Variants in CACNA2D1 observed in about 807,000 individuals in gnomAD.
The protein encoded by CACNA2D1 is calcium voltage-gated channel auxiliary subunit alpha2delta 1, also known as voltage-dependent calcium channel subunit alpha-2/delta-1.
In CACNA2D1, 53 loss-of-function variants were observed where a neutral mutation model predicts 171.5. That is an observed-to-expected ratio of 0.31 (90% confidence interval 0.25 to 0.39). The LOEUF (loss-of-function observed/expected upper bound fraction) is 0.39, where lower values mean the gene tolerates loss of function less well. CACNA2D1 is among the 10% of genes least tolerant of loss of function. The pLI is 1.00. For synonymous variants in CACNA2D1, 442 were observed against 443.1 expected (o/e 1.00, Z 0.03); for missense variants, 903 against 1,299.8 (o/e 0.69, Z 4.69).
At chr7:82,390,834 T>C (rs1369376021) in intron 1 of CACNA2D1, among the ~76,000 whole-genome samples, 1 of 152,126 alleles carries the variant, frequency 6.6e-6, no homozygotes, top group Admixed American at 6.5e-5. Flanking sequence ...TGAAAAAAAT[T>C]TTTTTAATCT....
intron 10 of CACNA2D1, among the ~76,000 whole-genome samples, chr7:82,052,945 T>C (rs933578290): frequency 3.9e-5 from 6 of 152,144 alleles, no homozygotes; most frequent in African/African-American, 9.7e-5. Flanking sequence ...GAAAAACACT[T>C]AGAACAGTGT....
intron 38 of CACNA2D1, among the ~76,000 whole-genome samples, chr7:81,955,282 AACCTAATCCAAC>A (rs1438856261): frequency 6.6e-6 from 1 of 152,104 alleles, no homozygotes; most frequent in Non-Finnish European, 1.5e-5. Flanking sequence ...TTGTGAGCAG[AACCTAATCCAAC>A]AGAAATTGCT....
chr7:82,051,437 G>C (rs967063978), intron 10 of CACNA2D1, among the ~76,000 whole-genome samples: 1 of 151,704 alleles, frequency 6.6e-6, no homozygotes, highest in Middle Eastern at 3.2e-3. Context: ...CTACAAGCAA[G>C]AGCAAAGATA....
chr7:82,001,247 T>G (rs1798575450), intron 18 of CACNA2D1, among the ~76,000 whole-genome samples: 1 of 152,180 alleles, frequency 6.6e-6, no homozygotes, highest in South Asian at 2.1e-4. Flanking sequence ...TTTTAGAAAT[T>G]TTGGCTTAAA....
chr7:82,186,932 G>A (rs578006307), intron 3 of CACNA2D1, among the ~76,000 whole-genome samples: 12 of 152,170 alleles, frequency 7.9e-5, no homozygotes, highest in Admixed American at 3.3e-4. Context: ...AAGCTTTAAT[G>A]TCACAAGAAA....
intron 3 of CACNA2D1, among the ~76,000 whole-genome samples, chr7:82,217,358 A>AAT (rs1554466846): frequency 0.052 from 6,778 of 129,758 alleles, 340 homozygotes; most frequent in Non-Finnish European, 0.074. Context: ...TTAAAAAAAA[A>AAT]ATATATATAT....
At chr7:82,376,367 T>A (rs1042863174) in intron 1 of CACNA2D1, among the ~76,000 whole-genome samples, 1 of 152,164 alleles carries the variant, frequency 6.6e-6, no homozygotes, top group African/African-American at 2.4e-5. Context: ...AACCTAACAC[T>A]CATGATTTTA....
intron 3 of CACNA2D1, among the ~76,000 whole-genome samples, chr7:82,284,114 G>A (rs1810466824): frequency 6.6e-6 from 1 of 151,454 alleles, no homozygotes; most frequent in South Asian, 2.1e-4. Context: ...AAGATCACTT[G>A]AGGCAGGAGG....
rs570457389 is a variant in CACNA2D1 at position 82,121,837 on chromosome 7, C to A, written c.397-4664G>T. Among the ~76,000 whole-genome samples, 502 of 152,090 alleles carry A rather than the reference C, an allele frequency of 3.3e-3. 6 individuals are homozygous for A. Among genetic ancestry groups the A allele is most frequent in the South Asian group, 0.028 (135 of 4,816 alleles). On this transcript the variant is annotated intron_variant, in intron 5 of 38. Coordinates refer to ENST00000356860, the MANE Select transcript of CACNA2D1 (RefSeq NM_000722.4). ...TTTTATGGATTCAGAAGATTATGCCCATTCTTCAGGTAATAAAAATATTGT... is the reference window on the plus strand; with the variant it reads ...TTTTATGGATTCAGAAGATTATGCCAATTCTTCAGGTAATAAAAATATTGT...
intron 1 of CACNA2D1, among the ~76,000 whole-genome samples, chr7:82,430,603 A>T (rs555850101): frequency 6.6e-6 from 1 of 152,310 alleles, no homozygotes; most frequent in South Asian, 2.1e-4. Flanking sequence ...TCTACCAACA[A>T]GAGAACAGTG....
chr7:82,425,138 A>G (rs1311630102), intron 1 of CACNA2D1, among the ~76,000 whole-genome samples: 1 of 152,200 alleles, frequency 6.6e-6, no homozygotes, highest in Non-Finnish European at 1.5e-5. Context: ...TCAATGAATC[A>G]AAAAAGGGAG....
At chr7:82,373,827 T>G (rs918668569) in intron 1 of CACNA2D1, among the ~76,000 whole-genome samples, 1 of 152,220 alleles carries the variant, frequency 6.6e-6, no homozygotes, top group Non-Finnish European at 1.5e-5. Flanking sequence ...TATCTCCAAA[T>G]AAGTTCAGTG....
intron 4 of CACNA2D1, among the ~76,000 whole-genome samples, chr7:82,146,348 A>T (rs1793053201): frequency 7.0e-6 from 1 of 142,346 alleles, no homozygotes; most frequent in African/African-American, 2.5e-5. Context: ...GTGTAGAAGA[A>T]ATGATATATA....
At chr7:81,956,921 C>A (rs1299660908) in intron 38 of CACNA2D1, among the ~76,000 whole-genome samples, 1 of 151,930 alleles carries the variant, frequency 6.6e-6, no homozygotes, top group Non-Finnish European at 1.5e-5. Flanking sequence ...TCAGAAATTT[C>A]TTAAAAGGTT....
chr7:82,197,138 G>A (rs1182256176), intron 3 of CACNA2D1, among the ~76,000 whole-genome samples: 3 of 151,810 alleles, frequency 2.0e-5, no homozygotes, highest in Admixed American at 1.3e-4. Flanking sequence ...AGGTTACATC[G>A]TTGGATATGA....
intron 1 of CACNA2D1, among the ~76,000 whole-genome samples, chr7:82,424,261 A>G (rs1466069027): frequency 6.6e-6 from 1 of 152,198 alleles, no homozygotes; most frequent in African/African-American, 2.4e-5. Context: ...TGAGCAGGGA[A>G]GCACCTGTAT....
chr7:82,335,541 G>T lies in CACNA2D1; in HGVS notation c.178-290C>A, dbSNP rs42237. Reference sequence around the variant, plus strand: ...GCTTGATGCTGCACTCTCCAATCTCGAAACTGGGTATTATCTGTCATCAGC... The same window carrying T: ...GCTTGATGCTGCACTCTCCAATCTCTAAACTGGGTATTATCTGTCATCAGC... On this transcript the variant is annotated intron_variant, in intron 2 of 38. Coordinates refer to ENST00000356860, the MANE Select transcript of CACNA2D1 (RefSeq NM_000722.4). 0.42 allele frequency among the ~76,000 whole-genome samples: 63,979 copies of T among 151,882 alleles called. 13,989 individuals are homozygous for T. The highest frequency in any genetic ancestry group is 0.68 in the East Asian group (3,485 of 5,156).
chr7:82,164,063 C>T (rs974954614), intron 4 of CACNA2D1, among the ~76,000 whole-genome samples: 3 of 151,892 alleles, frequency 2.0e-5, no homozygotes, highest in African/African-American at 4.8e-5. Context: ...TAGATTTGCA[C>T]AACTCCAAGA....
intron 1 of CACNA2D1, among the ~76,000 whole-genome samples, chr7:82,389,132 GTATATATATATATATTTATA>G: frequency 7.3e-6 from 1 of 137,764 alleles, no homozygotes; most frequent in South Asian, 2.3e-4. Context: ...ATAATAATTA[GTATATATATATATATTTATA>G]TATATATATA....
Sources: allele counts gnomAD v4.1 joint callset (sites outside exome capture counted in the v4.1 genomes callset), GRCh38; gene constraint gnomAD v4.1.1; transcripts MANE v1.5; gene names NCBI Gene and HGNC (gene_info 2026-07-23, HGNC 2026-07-21).